Variants in GPR158 observed in about 807,000 individuals in gnomAD.
GPR158 encodes G protein-coupled receptor 158.
A neutral mutation model predicts 78.2 loss-of-function variants in GPR158; 30 were observed. That is an observed-to-expected ratio of 0.38 (90% confidence interval 0.29 to 0.52). GPR158 has a LOEUF of 0.52. GPR158 is among the 20% of genes least tolerant of loss of function. GPR158 has a pLI of 0.83. For missense variants in GPR158, 1,463 were observed against 1,523.5 expected, an observed-to-expected ratio of 0.96 and a Z score of 0.66; for synonymous variants, 581 against 591.1, an observed-to-expected ratio of 0.98 and a Z score of 0.25.
chr10:25,306,206 G>A (rs1210851139), intron 2 of GPR158, among the ~76,000 whole-genome samples: 2 of 152,048 alleles, frequency 1.3e-5, no homozygotes, highest in African/African-American at 4.8e-5. Context: ...GATGTACAGT[G>A]GCTCCCTACT....
At chr10:25,588,420 A>T (rs1381556281) in intron 7 of GPR158, among the ~76,000 whole-genome samples, 3 of 152,134 alleles carry the variant, frequency 2.0e-5, no homozygotes, top group African/African-American at 7.2e-5. Flanking sequence ...ATTTTCCTAA[A>T]CCTTTCCACA....
chr10:25,418,516 C>G (rs1834695880), intron 4 of GPR158, among the ~76,000 whole-genome samples: 1 of 151,918 alleles, frequency 6.6e-6, no homozygotes, highest in South Asian at 2.1e-4. Context: ...CCAGTGTGTT[C>G]TTCTAAAACA....
At chr10:25,367,759 T>C (rs894895910) in intron 2 of GPR158, among the ~76,000 whole-genome samples, 11 of 151,828 alleles carry the variant, frequency 7.2e-5, no homozygotes, top group Admixed American at 2.0e-4. Context: ...TGGATTGGCA[T>C]TTTCATTTCT....
chr10:25,331,877 A>G (rs1015902357), intron 2 of GPR158, among the ~76,000 whole-genome samples: 8 of 152,136 alleles, frequency 5.3e-5, no homozygotes, highest in Non-Finnish European at 8.8e-5. Flanking sequence ...AGATAAAGTA[A>G]GACTGGTAAT....
At chr10:25,460,551 A>G (rs1427707704) in intron 4 of GPR158, among the ~76,000 whole-genome samples, 2 of 152,212 alleles carry the variant, frequency 1.3e-5, no homozygotes, top group African/African-American at 4.8e-5. Context: ...AAATTTATTT[A>G]TTAAAGTATA....
intron 8 of GPR158, among the ~76,000 whole-genome samples, chr10:25,593,173 TG>T (rs1465379468): frequency 3.3e-5 from 5 of 152,006 alleles, no homozygotes; most frequent in Non-Finnish European, 7.4e-5. Flanking sequence ...TTCTCCATTT[TG>T]GGTAACTGCT....
At chr10:25,503,893 C>CTT (rs60614079) in intron 5 of GPR158, among the ~76,000 whole-genome samples, 16 of 140,674 alleles carry the variant, frequency 1.1e-4, no homozygotes, top group East Asian at 4.1e-4. Context: ...TCTATTTTCA[C>CTT]TTTTTTTTTT....
rs749924978 is a variant in GPR158, at chr10:25,175,399, T to A, written c.-22T>A. 7.0e-7 allele frequency: 1 copy of A among 1,429,694 alleles called. No individual in the cohort carries two copies. The highest frequency in any genetic ancestry group is 9.5e-7 in the Non-Finnish European group (1 of 1,055,396). 88.6% of individuals were successfully genotyped at this position (1,429,694 alleles called of 1,614,324 possible). ...AGTGATTCCCCCCCCTCCCGTTCCCTCCTCTTCTCTCTGGGAGGCAGATGG... is the reference window on the plus strand; with the variant it reads ...AGTGATTCCCCCCCCTCCCGTTCCCACCTCTTCTCTCTGGGAGGCAGATGG... On this transcript the variant is annotated 5_prime_UTR_variant, in exon 1 of 11. Transcript: ENST00000376351. This position sits in a 1 kb window ranked among gnomAD's most constrained non-coding sequence, Gnocchi z 6.4.
chr10:25,333,757 C>G (rs1297450824), intron 2 of GPR158, among the ~76,000 whole-genome samples: 1 of 152,090 alleles, frequency 6.6e-6, no homozygotes, highest in Non-Finnish European at 1.5e-5. Context: ...ATTATTTATT[C>G]TCAAAGGACA....
intron 2 of GPR158, among the ~76,000 whole-genome samples, chr10:25,316,252 TC>T (rs1447326309): frequency 6.6e-6 from 1 of 152,190 alleles, no homozygotes; most frequent in Non-Finnish European, 1.5e-5. Context: ...TGGTAGGCTC[TC>T]CCTATATGTA....
At chr10:25,239,120 C>T (rs959695002) in intron 2 of GPR158, among the ~76,000 whole-genome samples, 2 of 152,156 alleles carry the variant, frequency 1.3e-5, no homozygotes, top group African/African-American at 2.4e-5. Context: ...AAGGGTAAGC[C>T]TGTCTCTGAA....
At chr10:25,364,693 T>C (rs1855693244) in intron 2 of GPR158, among the ~76,000 whole-genome samples, 2 of 151,954 alleles carry the variant, frequency 1.3e-5, no homozygotes, top group South Asian at 4.1e-4. Context: ...ATAATTTTTC[T>C]CTTCTGCATT....
At chr10:25,444,577 A>T (rs1016731989) in intron 4 of GPR158, among the ~76,000 whole-genome samples, 6 of 143,372 alleles carry the variant, frequency 4.2e-5, no homozygotes. Context: ...TGTGTGGAGG[A>T]GTGTGTGGGA....
At chr10:25,569,029 A>G (rs10764562) in intron 6 of GPR158, among the ~76,000 whole-genome samples, 42,831 of 152,156 alleles carry the variant, frequency 0.28, 10,798 homozygotes, top group African/African-American at 0.65. Flanking sequence ...CTAGAAAAAT[A>G]CATCTTATTC....
chr10:25,347,046 G>A (rs186080060), intron 2 of GPR158, among the ~76,000 whole-genome samples: 1 of 151,988 alleles, frequency 6.6e-6, no homozygotes, highest in East Asian at 1.9e-4. Context: ...AGGATTAACT[G>A]AGGTGTTTGC....
intron 4 of GPR158, among the ~76,000 whole-genome samples, chr10:25,423,800 T>C (rs1483667804): frequency 6.6e-6 from 1 of 152,196 alleles, no homozygotes; most frequent in Non-Finnish European, 1.5e-5. Context: ...GAAATTTGGG[T>C]TGGTTCCAAG....
chr10:25,309,172 A>G (rs563570283), intron 2 of GPR158, among the ~76,000 whole-genome samples: 2 of 152,058 alleles, frequency 1.3e-5, no homozygotes, highest in African/African-American at 2.4e-5. Flanking sequence ...ATTCTCACCA[A>G]TGGTGCATAA....
chr10:25,283,789 A>G (rs1179737464), intron 2 of GPR158, among the ~76,000 whole-genome samples: 1 of 152,000 alleles, frequency 6.6e-6, no homozygotes, highest in Non-Finnish European at 1.5e-5. Flanking sequence ...AATTCAATCA[A>G]TTTTGATATA....
At chr10:25,237,551 A>G (rs185666899) in intron 2 of GPR158, among the ~76,000 whole-genome samples, 23 of 152,280 alleles carry the variant, frequency 1.5e-4, no homozygotes, top group Admixed American at 1.0e-3. Flanking sequence ...TTCATTTGTG[A>G]TAGATGAATT....
Sources: allele counts gnomAD v4.1 joint callset (sites outside exome capture counted in the v4.1 genomes callset), GRCh38; gene constraint gnomAD v4.1.1; non-coding constraint Gnocchi (gnomAD v3.1); transcripts MANE v1.5; gene names NCBI Gene and HGNC (gene_info 2026-07-23, HGNC 2026-07-21).